The following L3MBTL4 variants were observed in gnomAD, a reference collection of about 807,000 sequenced individuals.
L3MBTL4 encodes the protein L3MBTL histone methyl-lysine binding protein 4, also known as lethal(3)malignant brain tumor-like protein 4.
Under a neutral mutation model 84.5 loss-of-function variants are expected in L3MBTL4, and 70 were observed. The ratio of observed to expected loss-of-function variants is 0.83; its 90% CI spans 0.68 to 1.01. L3MBTL4 has a LOEUF of 1.01. L3MBTL4 is among the 50% of genes least tolerant of loss of function. L3MBTL4 has a pLI of 0.00. For missense variants in L3MBTL4, 715 were observed against 754.8 expected (o/e 0.95, Z 0.62); for synonymous variants, 274 against 259.8 (o/e 1.05, Z -0.52).
intron 14 of L3MBTL4, among the ~76,000 whole-genome samples, chr18:6,103,804 A>G (rs1462784215): frequency 1.3e-5 from 2 of 152,242 alleles, no homozygotes; most frequent in South Asian, 2.1e-4. Context: ...GTTCTTTCTC[A>G]AAGTGATAAA....
At chr18:6,027,067 C>A (rs1598474341) in intron 16 of L3MBTL4, among the ~76,000 whole-genome samples, 1 of 152,062 alleles carries the variant, frequency 6.6e-6, no homozygotes, top group Non-Finnish European at 1.5e-5. Context: ...ATGTGCAGAA[C>A]GTGCAGGTTT....
At chr18:6,044,050 A>G (rs112069057) in intron 16 of L3MBTL4, among the ~76,000 whole-genome samples, 1,655 of 152,320 alleles carry the variant, frequency 0.011, 30 homozygotes, top group African/African-American at 0.038. Flanking sequence ...GAGTAAAAGG[A>G]TCCTTTAGCA....
intron 16 of L3MBTL4, chr18:6,030,968 A>T: frequency 1.0e-6 from 1 of 985,008 alleles, no homozygotes; most frequent in African/African-American, 1.7e-5. Context: ...ACGAACAAAC[A>T]AATTAATTCT....
chr18:6,237,954 GTCCAC>G lies in L3MBTL4; in HGVS notation c.784+5_784+9del. On this transcript the variant is annotated splice_donor_5th_base_variant and intron_variant, in intron 10 of 18. Transcript: ENST00000317931. ...GATGACTTCAAAGAAAACCCAGGCAGTCCACTCACCTTGGGGTGCTATCAGAGTTC... is the reference window on the plus strand; with the variant it reads ...GATGACTTCAAAGAAAACCCAGGCAGTCACCTTGGGGTGCTATCAGAGTTC... 1 of 1,612,152 alleles carries G rather than the reference GTCCAC, an allele frequency of 6.2e-7. No individual in the cohort carries two copies. The highest frequency in any genetic ancestry group is 2.2e-5 in the East Asian group (1 of 44,856).
At chr18:6,179,294 C>G (rs2044361663) in intron 12 of L3MBTL4, among the ~76,000 whole-genome samples, 2 of 152,176 alleles carry the variant, frequency 1.3e-5, no homozygotes, top group Admixed American at 1.3e-4. Flanking sequence ...TCTTCAGAAA[C>G]AGCCTGTATT....
chr18:6,043,673 C>A (rs1408772633), intron 16 of L3MBTL4, among the ~76,000 whole-genome samples: 4 of 152,180 alleles, frequency 2.6e-5, no homozygotes, highest in African/African-American at 9.7e-5. Context: ...ATGTAAGATT[C>A]AGTGAAGACA....
intron 13 of L3MBTL4, among the ~76,000 whole-genome samples, chr18:6,148,044 C>T (rs1568201711): frequency 6.6e-6 from 1 of 152,068 alleles, no homozygotes; most frequent in Non-Finnish European, 1.5e-5. Flanking sequence ...GACCTGTAGA[C>T]TCCAGTCGAA....
At position 6,204,381 on chromosome 18, in the gene L3MBTL4, C is replaced by T. The variant is rs149880158; in HGVS notation, c.981+8768G>A. ...TACTGCTTGGGCTGGGGCCCCCACC[C>T]CTTCTCCCACAGCTGAGCCCTGATG... is the stretch of plus-strand genomic sequence containing the variant. On this transcript the variant is annotated intron_variant, in intron 12 of 18. Transcript: ENST00000317931. Among the ~76,000 whole-genome samples the T allele has an allele frequency of 6.6e-3, 1,007 of 152,314 alleles. 7 individuals are homozygous for T. Among genetic ancestry groups the T allele is most frequent in the African/African-American group, 0.023 (958 of 41,578 alleles).
intron 14 of L3MBTL4, among the ~76,000 whole-genome samples, chr18:6,104,342 C>CA (rs928311681): frequency 1.3e-5 from 2 of 152,004 alleles, no homozygotes; most frequent in Non-Finnish European, 1.5e-5. Flanking sequence ...CATTGATGCA[C>CA]AAAAGGATAA....
intron 16 of L3MBTL4, among the ~76,000 whole-genome samples, chr18:6,038,398 C>G (rs973677453): frequency 6.6e-6 from 1 of 151,838 alleles, no homozygotes; most frequent in African/African-American, 2.4e-5. Context: ...GGACTATAGG[C>G]GTCCGCCACC....
chr18:6,252,259 G>C (rs1253997489), intron 5 of L3MBTL4, among the ~76,000 whole-genome samples: 2 of 152,158 alleles, frequency 1.3e-5, no homozygotes, highest in Non-Finnish European at 2.9e-5. Context: ...GTTGCAGTGA[G>C]CCAAGATTGC....
At chr18:6,072,879 AAAATATATATATATAT>A (rs1195214350) in intron 16 of L3MBTL4, among the ~76,000 whole-genome samples, 1 of 41,596 alleles carries the variant, frequency 2.4e-5, no homozygotes, top group Non-Finnish European at 4.5e-5. Flanking sequence ...AAAAAAAAAA[AAAATATATATATATAT>A]ATATATATAT....
chr18:6,265,210 A>G (rs1401456721), intron 4 of L3MBTL4, among the ~76,000 whole-genome samples: 1 of 152,256 alleles, frequency 6.6e-6, no homozygotes, highest in African/African-American at 2.4e-5. Flanking sequence ...CTTAAGTGCC[A>G]GAATTATAAA....
At chr18:6,287,740 CAGTTG>C (rs1302542731) in intron 4 of L3MBTL4, among the ~76,000 whole-genome samples, 2 of 152,234 alleles carry the variant, frequency 1.3e-5, no homozygotes, top group African/African-American at 2.4e-5. Context: ...TCACATTTCA[CAGTTG>C]ACTATCCTTT....
chr18:6,183,373 GTGGTGAAC>G, intron 12 of L3MBTL4, among the ~76,000 whole-genome samples: 1 of 152,322 alleles, frequency 6.6e-6, no homozygotes, highest in South Asian at 2.1e-4. Flanking sequence ...AAGCACTGAG[GTGGTGAAC>G]TGGACCACCG....
At chr18:5,998,996 T>G (rs561818548) in intron 16 of L3MBTL4, among the ~76,000 whole-genome samples, 1 of 152,348 alleles carries the variant, frequency 6.6e-6, no homozygotes, top group Admixed American at 6.5e-5. Context: ...AGATACTCAG[T>G]TAAGATGATT....
chr18:6,172,322 G>C (rs1198110814), intron 12 of L3MBTL4, among the ~76,000 whole-genome samples: 1 of 152,138 alleles, frequency 6.6e-6, no homozygotes, highest in Non-Finnish European at 1.5e-5. Flanking sequence ...TCAACAGTAA[G>C]AGTCACCAAC....
intron 4 of L3MBTL4, among the ~76,000 whole-genome samples, chr18:6,284,507 G>C (rs1304409104): frequency 1.3e-5 from 2 of 152,196 alleles, no homozygotes; most frequent in East Asian, 3.9e-4. Flanking sequence ...GGCGAGGCGG[G>C]AGGCAGGCAC....
At chr18:6,300,255 T>A (rs1226951176) in intron 4 of L3MBTL4, among the ~76,000 whole-genome samples, 1 of 152,136 alleles carries the variant, frequency 6.6e-6, no homozygotes, top group East Asian at 1.9e-4. Flanking sequence ...CCTCAAATAA[T>A]CCAATTTGCA....
Sources: gnomAD v4.1 joint callset for allele counts (sites outside exome capture counted in the v4.1 genomes callset) on GRCh38, gnomAD v4.1.1 for gene constraint, MANE v1.5 for transcripts, NCBI Gene and HGNC (gene_info 2026-07-23, HGNC 2026-07-21) for gene names.